COL6A3: variants seen among roughly 807,000 people sequenced by gnomAD.
COL6A3 encodes collagen type VI alpha 3 chain, also known as collagen alpha-3(VI) chain.
In COL6A3, 137 loss-of-function variants were observed where a neutral mutation model predicts 274.1. The observed-to-expected ratio is 0.50, with a 90% confidence interval of 0.44 to 0.58. The LOEUF (loss-of-function observed/expected upper bound fraction) is 0.58. Among genes scored for constraint, COL6A3 ranks in the 20% least tolerant of loss-of-function variants. The probability of loss-of-function intolerance (pLI) is 0.00; values close to 1 mark genes in which losing one functional copy is unlikely to be tolerated. For missense variants in COL6A3, 3,950 were observed against 4,124.9 expected, an observed-to-expected ratio of 0.96 and a Z score of 1.16; for synonymous variants, 1,650 against 1,650.6, an observed-to-expected ratio of 1.00 and a Z score of 0.01.
chr2:237,352,693 C>T, intron 25 of COL6A3, 109 bp from the exon 26 acceptor site: 1 of 1,022,602 alleles, frequency 9.8e-7, no homozygotes, highest in Non-Finnish European at 1.5e-6. Flanking sequence ...TTCTGCTGGC[C>T]AAAAACGGCC....
At chr2:237,331,725 A>T (rs58207953) in intron 42 of COL6A3, among the ~76,000 whole-genome samples, 11,231 of 37,518 alleles carry the variant, frequency 0.3, 521 homozygotes, top group Non-Finnish European at 0.33. Flanking sequence ...TTCTTTTTTT[A>T]AAAAAAAAAA....
intron 38 of COL6A3, among the ~76,000 whole-genome samples, chr2:237,339,772 C>T (rs2076944713): frequency 6.6e-6 from 1 of 152,180 alleles, no homozygotes; most frequent in African/African-American, 2.4e-5. Flanking sequence ...TAATAGGCTG[C>T]ACCTCCTCAA....
chr2:237,368,864 C>T lies in COL6A3; in HGVS notation c.4599G>A (p.Gly1533=), dbSNP rs778335651. The part of the protein sequence containing the change: ...VARNLFVKSA[G]SRIEDGVPQH... ...GGGGCACCCCGTCTTCTATGCGACT[C>T]CCCGCAGACTTAACAAAGAGGTTTC... is the stretch of plus-strand genomic sequence containing the variant. Residue 1533 remains glycine, a synonymous_variant, in exon 10 of 44, where the codon GGG becomes GGA. Coordinates refer to ENST00000295550, the MANE Select transcript of COL6A3 (RefSeq NM_004369.4). This position sits in a 1 kb window ranked among gnomAD's most constrained non-coding sequence, Gnocchi z 4.4. The T allele has an allele frequency of 2.5e-6, 4 of 1,614,214 alleles. No homozygotes were observed. The highest frequency in any genetic ancestry group is 1.7e-5 in the Admixed American group (1 of 60,034).
At chr2:237,347,690 C>T in intron 31 of COL6A3, 117 bp downstream of exon 31, 1 of 1,074,194 alleles carries the variant, frequency 9.3e-7, no homozygotes, top group South Asian at 1.4e-5. Context: ...TCCTTCCACC[C>T]TGTGCTATCC....
At chr2:237,337,104 C>A (rs1475558291) in intron 39 of COL6A3, among the ~76,000 whole-genome samples, 2 of 152,008 alleles carry the variant, frequency 1.3e-5, no homozygotes, top group Admixed American at 1.3e-4. Context: ...GAGAGAATAG[C>A]AGCCTAATCA....
At position 237,374,727 on chromosome 2, in the gene COL6A3, T is replaced by C; in HGVS notation, c.3364A>G (p.Ser1122Gly). The C allele has an allele frequency of 6.2e-7, 1 of 1,613,250 alleles. No homozygotes were observed. The highest frequency in any genetic ancestry group is 8.5e-7 in the Non-Finnish European group (1 of 1,179,304). ...TCTGTTATCCTGCTTCCCGCAGAGC[T>C]GACCAGGATGTTCCTCAGGACAAAC... ...LEFVLRNILV[S>G]SAGSRITEGV... Residue 1122 changes from serine (S) to glycine (G), a missense_variant, in exon 8 of 44, where the codon AGC becomes GGC. This residue lies in a region of COL6A3 where 1,934 missense variants were observed against 1,984.3 expected (regional missense o/e 0.97). Transcript: ENST00000295550. The surrounding 1 kb of genome is among the most constrained non-coding windows in gnomAD (Gnocchi z 4.8).
At chr2:237,386,469 C>T (rs1386805287) in intron 4 of COL6A3, 1 of 152,148 alleles carries the variant, frequency 6.6e-6, no homozygotes, top group Non-Finnish European at 1.5e-5. Flanking sequence ...TAGACCCAGA[C>T]TTTATTTATA....
rs886043939 is a variant in COL6A3, at chr2:237,366,891, G to C, written c.5296C>G (p.Leu1766Val). The change falls in exon 11 of 44, where the codon CTC (leucine) becomes GTC (valine). Residue 1766 changes from leucine (L) to valine (V), a missense_variant. Transcript: ENST00000295550. ...AACACTTTGACCCCCCTCTGGGTGA[G>C]GGCCAGGCTCACATCCTGTGCATCT... The part of the protein sequence containing the change: ...VEDAQDVSLA[L>V]TQRGVKVFAV... 1 of 1,614,200 alleles carries C rather than the reference G, an allele frequency of 6.2e-7. No homozygotes were observed. The highest frequency in any genetic ancestry group is 1.3e-5 in the African/African-American group (1 of 75,038).
rs375640580 is a variant in COL6A3 at position 237,344,826 on chromosome 2, C to T, written c.7192G>A (p.Val2398Ile). ...PCCYGPLECP[V>I]FPTELAFALD... ...GCAAAGGCTAGTTCTGTTGGGAAGA[C>T]GGGGCACTCCAGGGGCCCTGTGGAA... Residue 2398 changes from valine to isoleucine, a missense_variant, in exon 36 of 44, where the codon GTC becomes ATC. By Grantham distance (29) the Val-to-Ile change is conservative. Transcript: ENST00000295550. This position sits in a 1 kb window ranked among gnomAD's most constrained non-coding sequence, Gnocchi z 4.8. The T allele has an allele frequency of 2.6e-5, 42 of 1,612,502 alleles. No homozygotes were observed. The highest frequency in any genetic ancestry group is 5.3e-5 in the African/African-American group (4 of 74,860).
At chr2:237,372,484 G>A in intron 8 of COL6A3, 147 bp from the exon 9 acceptor site, 2 of 1,479,584 alleles carry the variant, frequency 1.4e-6, no homozygotes, top group Non-Finnish European at 1.8e-6. Context: ...TGGGAGTCCT[G>A]GGCATTTCAG....
Position 237,368,699 on chromosome 2 carries a change from A to T in COL6A3, c.4764T>A (p.Asn1588Lys). 1.9e-6 allele frequency: 3 copies of T among 1,614,114 alleles called. No individual in the cohort carries two copies. The highest frequency in any genetic ancestry group is 2.5e-6 in the Non-Finnish European group (3 of 1,180,020). ...IDRTELQTIT[N>K]DPRLVFTVRE... ...GCACTGTGAAGACCAGTCTGGGGTCATTGGTGATGGTCTGCAGCTCTGTTC... is the reference window on the plus strand; with the variant it reads ...GCACTGTGAAGACCAGTCTGGGGTCTTTGGTGATGGTCTGCAGCTCTGTTC... The change falls in exon 10 of 44, where the codon AAT becomes AAA. Residue 1588 changes from asparagine to lysine, a missense_variant. Asn to Lys is a moderately conservative substitution (Grantham distance 94). Transcript: ENST00000295550. This position sits in a 1 kb window ranked among gnomAD's most constrained non-coding sequence, Gnocchi z 4.4.
In COL6A3 at chr2:237,341,034, C is replaced by T. The variant is rs765740728; in HGVS notation, c.7882G>A (p.Glu2628Lys). Reference sequence around the variant, plus strand: ...TTGAACTGGAACAGGGTGGTGGTCTCAGCGCTGTCTAAGATGAAAGCCATG... The same window carrying T: ...TTGAACTGGAACAGGGTGGTGGTCTTAGCGCTGTCTAAGATGAAAGCCATG... ...IDMAFILDSA[E>K]TTTLFQFNEM... The change falls in exon 38 of 44, where the codon GAG becomes AAG. Residue 2628 changes from glutamate (E) to lysine (K), a missense_variant. Coordinates refer to ENST00000295550, the MANE Select transcript of COL6A3 (RefSeq NM_004369.4). 5.6e-6 allele frequency: 9 copies of T among 1,614,168 alleles called. No homozygotes were observed. The highest frequency in any genetic ancestry group is 7.6e-6 in the Non-Finnish European group (9 of 1,180,038).
chr2:237,360,244 T>A, intron 16 of COL6A3, 85 bp from the exon 17 acceptor site: 1 of 1,297,252 alleles, frequency 7.7e-7, no homozygotes, highest in Non-Finnish European at 1.1e-6. Context: ...TAAAGGGTAC[T>A]GTGAACAGCA....
Position 237,371,953 on chromosome 2 carries a change from G to A in COL6A3, c.4064C>T (p.Pro1355Leu), listed in dbSNP as rs140863092. 75 of 1,613,888 alleles carry A rather than the reference G, an allele frequency of 4.6e-5. No individual in the cohort carries two copies. The highest frequency in any genetic ancestry group is 5.8e-5 in the Non-Finnish European group (68 of 1,180,018). ...GCCAAACTGCTTGAGCTCCACCGCC[G>A]GGTCGTCCACCTCATCGTCAGACTT... ...SGKSDDEVDD[P>L]AVELKQFGVA... The change falls in exon 9 of 44, where the codon CCG becomes CTG. Residue 1355 changes from proline (P) to leucine (L), a missense_variant. Coordinates refer to ENST00000295550, the MANE Select transcript of COL6A3 (RefSeq NM_004369.4). The surrounding 1 kb of genome is among the most constrained non-coding windows in gnomAD (Gnocchi z 4.3).
At position 237,364,242 on chromosome 2, in the gene COL6A3, G is replaced by C; in HGVS notation, c.5917+108C>G. On this transcript the variant is annotated intron_variant, in intron 13 of 43. Transcript: ENST00000295550. The surrounding 1 kb of genome is among the most constrained non-coding windows in gnomAD (Gnocchi z 4.6). ...GGGAGGAAGAGTCTCCCAAGACAAC[G>C]CTGCTCCCTTGGGGCGCTGCATTAG... 2.3e-6 allele frequency: 2 copies of C among 875,084 alleles called. No homozygotes were observed. 54.2% of individuals were successfully genotyped at this position (875,084 alleles called of 1,614,324 possible). A position where few individuals can be genotyped will look rare whatever the true frequency, so the allele number is the denominator to read the frequency against.
intron 17 of COL6A3, 29 bp from the exon 18 acceptor site, chr2:237,359,417 T>C (rs769394965): frequency 1.2e-6 from 2 of 1,613,206 alleles, no homozygotes; most frequent in South Asian, 1.1e-5. Context: ...GGGGAAGCAT[T>C]AGCTTTTCCT....
intron 37 of COL6A3, 78 bp downstream of exon 37, chr2:237,341,987 T>G: frequency 3.4e-6 from 4 of 1,193,042 alleles, no homozygotes; most frequent in Non-Finnish European, 4.9e-6. Flanking sequence ...CAGATCATCA[T>G]TATTCTCTCA....
intron 1 of COL6A3, among the ~76,000 whole-genome samples, chr2:237,403,158 C>T (rs368374674): frequency 6.6e-6 from 1 of 152,122 alleles, no homozygotes; most frequent in South Asian, 2.1e-4. Flanking sequence ...AGCTCAGTCC[C>T]GTGGATTTGC....
Position 237,344,466 on chromosome 2 carries a change from T to C in COL6A3, c.7552A>G (p.Thr2518Ala). ...AGCTGTGGGGATGCTCTTGTGGGTGTGTTGCTGAAGAAAACAGCCACTTTC... is the reference window on the plus strand; with the variant it reads ...AGCTGTGGGGATGCTCTTGTGGGTGCGTTGCTGAAGAAAACAGCCACTTTC... ...MRKVAVFFSN[T>A]PTRASPQLRE... Residue 2518 changes from threonine (T) to alanine (A), a missense_variant, in exon 36 of 44, where the codon ACA (threonine) becomes GCA (alanine). Coordinates refer to ENST00000295550, the MANE Select transcript of COL6A3 (RefSeq NM_004369.4). The surrounding 1 kb of genome is among the most constrained non-coding windows in gnomAD (Gnocchi z 4.8). The C allele has an allele frequency of 6.2e-7, 1 of 1,614,214 alleles. No homozygotes were observed.
Sources: allele counts gnomAD v4.1 joint callset (sites outside exome capture counted in the v4.1 genomes callset), GRCh38; gene constraint gnomAD v4.1.1; regional missense constraint gnomAD v4.1.1; non-coding constraint Gnocchi (gnomAD v3.1); transcripts MANE v1.5; gene names NCBI Gene and HGNC (gene_info 2026-07-23, HGNC 2026-07-21).